Variants in PCDH15 observed in about 807,000 individuals in gnomAD.
PCDH15 encodes protocadherin-15.
In PCDH15, 129 loss-of-function variants were observed where a neutral mutation model predicts 178.5. That is an observed-to-expected ratio of 0.72 (90% CI 0.63 to 0.84). The LOEUF (loss-of-function observed/expected upper bound fraction) is 0.84, where lower values mean the gene tolerates loss of function less well. Among genes scored for constraint, PCDH15 ranks in the 40% least tolerant of loss-of-function variants. PCDH15 has a pLI of 0.00. For missense variants in PCDH15, 2,230 were observed against 2,099.9 expected (o/e 1.06, Z -1.21); for synonymous variants, 800 against 732.0 (o/e 1.09, Z -1.50).
chr10:55,101,566 T>C (rs1591904101), intron 2 of PCDH15, among the ~76,000 whole-genome samples: 2 of 152,070 alleles, frequency 1.3e-5, no homozygotes, highest in East Asian at 3.9e-4. Flanking sequence ...CTTAAATTTG[T>C]TGTAGTAGGA....
intron 3 of PCDH15, among the ~76,000 whole-genome samples, chr10:54,430,339 G>A (rs573014322): frequency 1.3e-5 from 2 of 152,196 alleles, no homozygotes; most frequent in Admixed American, 1.3e-4. Context: ...ACAGGCGTGA[G>A]CCACCACACC....
intron 25 of PCDH15, among the ~76,000 whole-genome samples, chr10:53,913,934 C>T (rs1253866152): frequency 6.6e-6 from 1 of 152,058 alleles, no homozygotes; most frequent in Non-Finnish European, 1.5e-5. Flanking sequence ...TCAAACAACA[C>T]CGTCAAAAAG....
intron 2 of PCDH15, among the ~76,000 whole-genome samples, chr10:55,461,826 C>T (rs1839685381): frequency 6.6e-6 from 1 of 151,930 alleles, no homozygotes; most frequent in African/African-American, 2.4e-5. Context: ...TAACAGAAAA[C>T]CCACCAGACA....
intron 2 of PCDH15, among the ~76,000 whole-genome samples, chr10:55,057,815 T>C (rs1302003729): frequency 1.3e-5 from 2 of 152,260 alleles, no homozygotes; most frequent in African/African-American, 2.4e-5. Flanking sequence ...TCTACTTATC[T>C]TTCCTCATCT....
At chr10:55,490,390 C>A (rs1840385793) in intron 2 of PCDH15, among the ~76,000 whole-genome samples, 1 of 151,744 alleles carries the variant, frequency 6.6e-6, no homozygotes, top group Non-Finnish European at 1.5e-5. Context: ...ACACAAAACT[C>A]CATGAGTCTG....
At chr10:54,692,689 G>A (rs923046367) in intron 1 of PCDH15, among the ~76,000 whole-genome samples, 1 of 152,092 alleles carries the variant, frequency 6.6e-6, no homozygotes, top group South Asian at 2.1e-4. Flanking sequence ...ACTTAAAAGC[G>A]AATAACTCCA....
At chr10:54,991,263 C>T (rs1839493305) in intron 2 of PCDH15, among the ~76,000 whole-genome samples, 1 of 152,048 alleles carries the variant, frequency 6.6e-6, no homozygotes, top group African/African-American at 2.4e-5. Context: ...AATTTGTCTT[C>T]AACAACATTA....
chr10:54,633,690 G>A (rs367833136), intron 2 of PCDH15, among the ~76,000 whole-genome samples: 59 of 152,124 alleles, frequency 3.9e-4, no homozygotes, highest in African/African-American at 1.1e-3. Flanking sequence ...ACAAACACTG[G>A]CTCACTGAGG....
intron 28 of PCDH15, among the ~76,000 whole-genome samples, chr10:53,848,058 G>A (rs1236604260): frequency 5.9e-5 from 9 of 152,058 alleles, no homozygotes; most frequent in African/African-American, 2.2e-4. Flanking sequence ...CAGCAGTACA[G>A]ACTGCGGTAA....
intron 14 of PCDH15, among the ~76,000 whole-genome samples, chr10:54,150,554 A>G (rs1232855886): frequency 6.6e-6 from 1 of 151,738 alleles, no homozygotes; most frequent in African/African-American, 2.4e-5. Flanking sequence ...TTCTATTTAT[A>G]TGTAGTTTCT....
At chr10:55,244,427 T>C (rs1251517328) in intron 1 of PCDH15, among the ~76,000 whole-genome samples, 1 of 152,122 alleles carries the variant, frequency 6.6e-6, no homozygotes, top group Non-Finnish European at 1.5e-5. Flanking sequence ...GAATATCTTT[T>C]CTAAATTAAA....
intron 2 of PCDH15, among the ~76,000 whole-genome samples, chr10:55,627,408 A>G (rs1460724418): frequency 2.0e-5 from 3 of 151,934 alleles, no homozygotes; most frequent in Admixed American, 2.0e-4. Context: ...CCCCCAACAC[A>G]AACACATACA....
intron 2 of PCDH15, among the ~76,000 whole-genome samples, chr10:55,475,594 T>G (rs911374969): frequency 3.9e-5 from 6 of 152,124 alleles, no homozygotes; most frequent in Non-Finnish European, 1.5e-5. Flanking sequence ...GTTAAAACTT[T>G]GTTCCATAAG....
chr10:55,394,321 TTTTTA>T (rs1299027921), intron 2 of PCDH15, among the ~76,000 whole-genome samples: 1 of 152,050 alleles, frequency 6.6e-6, no homozygotes, highest in Non-Finnish European at 1.5e-5. Context: ...TTGATGCTCT[TTTTTA>T]TTTTATTTAT....
At chr10:55,546,996 G>A (rs1841897500) in intron 2 of PCDH15, among the ~76,000 whole-genome samples, 1 of 151,992 alleles carries the variant, frequency 6.6e-6, no homozygotes, top group South Asian at 2.1e-4. Flanking sequence ...CGAAAGTAGT[G>A]TAGTTCTGAA....
In PCDH15 at chr10:54,378,726, G is replaced by T; in HGVS notation, c.318+56C>A. 4 of 1,542,082 alleles carry T rather than the reference G, an allele frequency of 2.6e-6. No homozygotes were observed. The South Asian group carries it at 4.5e-5, about 17-fold the overall frequency. ...TCAATATCATATAAACACACACATA[G>T]ACATTTAAATTATAATAAACTTATA... On this transcript the variant is annotated intron_variant, in intron 4 of 37. Coordinates refer to ENST00000644397, the MANE Select transcript of PCDH15 (RefSeq NM_001384140.1).
chr10:54,105,401 T>TCC (rs1420518915), intron 15 of PCDH15, among the ~76,000 whole-genome samples: 10 of 150,690 alleles, frequency 6.6e-5, no homozygotes, highest in African/African-American at 2.4e-4. Flanking sequence ...TTAAGTAGTA[T>TCC]TAACTCACAC....
chr10:54,102,084 C>T (rs1278699092), intron 15 of PCDH15, among the ~76,000 whole-genome samples: 1 of 151,920 alleles, frequency 6.6e-6, no homozygotes, highest in Non-Finnish European at 1.5e-5. Flanking sequence ...TCAATAAAAC[C>T]TACTAAATCT....
chr10:55,596,260 AC>A (rs1337804550), intron 2 of PCDH15, among the ~76,000 whole-genome samples: 1 of 152,118 alleles, frequency 6.6e-6, no homozygotes, highest in East Asian at 1.9e-4. Flanking sequence ...TCCTAATCCT[AC>A]CAAAACATTC....
Sources: gnomAD v4.1 joint callset for allele counts (sites outside exome capture counted in the v4.1 genomes callset) on GRCh38, gnomAD v4.1.1 for gene constraint, MANE v1.5 for transcripts, NCBI Gene and HGNC (gene_info 2026-07-23, HGNC 2026-07-21) for gene names.